The following VIRMA variants were observed in gnomAD, a reference collection of about 807,000 sequenced individuals.
VIRMA encodes protein virilizer homolog.
A neutral mutation model predicts 182.4 loss-of-function variants in VIRMA; 65 were observed. That is an observed-to-expected ratio of 0.36 (90% CI 0.29 to 0.44). The LOEUF is 0.44. Ranked by LOEUF, VIRMA falls within the 20% of genes least tolerant of loss-of-function variation. The pLI, the probability that VIRMA is intolerant of heterozygous loss-of-function variation, is 1.00. For missense variants in VIRMA, 1,752 were observed against 2,158.1 expected (o/e 0.81, Z 3.73); for synonymous variants, 709 against 743.1 (o/e 0.95, Z 0.75).
intron 9 of VIRMA, among the ~76,000 whole-genome samples, chr8:94,518,654 A>C (rs189624039): frequency 5.1e-4 from 78 of 152,354 alleles, no homozygotes; most frequent in African/African-American, 1.9e-3. Context: ...AAGAAAGTGT[A>C]AGAGGAATAA....
intron 1 of VIRMA, among the ~76,000 whole-genome samples, chr8:94,544,657 T>C (rs1187431774): frequency 9.7e-6 from 1 of 103,524 alleles, no homozygotes; most frequent in Non-Finnish European, 1.9e-5. Context: ...CGAGCGACTC[T>C]GTCTCAAAAA....
intron 10 of VIRMA, among the ~76,000 whole-genome samples, chr8:94,517,020 A>G (rs1396963074): frequency 1.3e-5 from 2 of 152,214 alleles, no homozygotes; most frequent in African/African-American, 4.8e-5. Context: ...AAGGTTTCCC[A>G]TAAATGTCAT....
intron 1 of VIRMA, among the ~76,000 whole-genome samples, chr8:94,552,758 C>T (rs1302330630): frequency 6.6e-6 from 1 of 152,148 alleles, no homozygotes; most frequent in Admixed American, 6.6e-5. Context: ...AAGGAGATGT[C>T]TGCTGATGAG....
Position 94,513,326 on chromosome 8 carries a change from G to T in VIRMA, c.2752-1237C>A, listed in dbSNP as rs545864077. On this transcript the variant is annotated intron_variant, in intron 11 of 23. Coordinates refer to ENST00000297591, the MANE Select transcript of VIRMA (RefSeq NM_015496.5). ...CACTCCAGCCTGGGCGACAGAGCAA[G>T]ACTCCATCTCAAAACAAAACAAAAC... 4.5e-4 allele frequency among the ~76,000 whole-genome samples: 68 copies of T among 149,540 alleles called. 2 individuals carry two copies. The South Asian group carries it at 8.2e-3, about 18-fold the overall frequency.
chr8:94,517,996 C>T (rs1814620955), intron 9 of VIRMA, 54 bp from the exon 10 acceptor site: 3 of 1,445,980 alleles, frequency 2.1e-6, no homozygotes, highest in Non-Finnish European at 1.9e-6. Context: ...TTTTTAGGAA[C>T]AATTTTTAAA....
intron 8 of VIRMA, among the ~76,000 whole-genome samples, chr8:94,521,059 T>G (rs1001951055): frequency 4.6e-5 from 7 of 152,230 alleles, no homozygotes; most frequent in Middle Eastern, 3.4e-3. Context: ...TTTTTTAAAT[T>G]TTTTAGTTCT....
intron 17 of VIRMA, 114 bp from the exon 18 acceptor site, chr8:94,496,594 T>A: frequency 1.2e-6 from 1 of 818,666 alleles, no homozygotes. Flanking sequence ...AATGTTTTCA[T>A]TTTTACATCA....
rs138069372 is a variant in VIRMA, at chr8:94,541,964, C to T, written c.179+1863G>A. Among the ~76,000 whole-genome samples, 350 of 152,308 alleles carry T rather than the reference C, an allele frequency of 2.3e-3. 1 individual carries two copies. The highest frequency in any genetic ancestry group is 7.7e-3 in the African/African-American group (320 of 41,566). On this transcript the variant is annotated intron_variant, in intron 2 of 23. Coordinates refer to ENST00000297591, the MANE Select transcript of VIRMA (RefSeq NM_015496.5). Reference sequence around the variant, plus strand: ...AGTTATTACAACATGAAAAGCCACACATCTCCAGCTAAGAAAAAGGAAGAG... The same window carrying T: ...AGTTATTACAACATGAAAAGCCACATATCTCCAGCTAAGAAAAAGGAAGAG...
intron 16 of VIRMA, among the ~76,000 whole-genome samples, chr8:94,505,863 C>T (rs565511421): frequency 3.9e-5 from 6 of 152,092 alleles, no homozygotes; most frequent in Admixed American, 1.3e-4. Context: ...GCTCTCCATA[C>T]CCATGGATTC....
At chr8:94,494,985 G>T in intron 19 of VIRMA, 29 bp from the exon 20 acceptor site, 1 of 1,432,912 alleles carries the variant, frequency 7.0e-7, no homozygotes, top group Non-Finnish European at 9.8e-7. Context: ...CTGGTGAAAA[G>T]CAGAATTCTA....
chr8:94,529,416 C>A, intron 6 of VIRMA, 74 bp from the exon 7 acceptor site: 1 of 761,190 alleles, frequency 1.3e-6, no homozygotes, highest in East Asian at 2.5e-5. Flanking sequence ...CTGGATATGG[C>A]AACTACTTAA....
chr8:94,548,526 C>T (rs1222782334), intron 1 of VIRMA, among the ~76,000 whole-genome samples: 1 of 151,168 alleles, frequency 6.6e-6, no homozygotes, highest in African/African-American at 2.5e-5. Flanking sequence ...TATACAAATA[C>T]AATAGCTTTC....
In VIRMA at chr8:94,511,600, T is replaced by C; in HGVS notation, c.2975A>G (p.Asn992Ser). ...ILTQPWRLHVNMGTTLHRVTT... is the reference protein window; with the variant it reads ...ILTQPWRLHVSMGTTLHRVTT... ...AACTCTGTGAAGGGTAGTCCCCATGTTGACATGGAGCCTCCAAGGCTGAGT... is the reference window on the plus strand; with the variant it reads ...AACTCTGTGAAGGGTAGTCCCCATGCTGACATGGAGCCTCCAAGGCTGAGT... Residue 992 changes from asparagine (N) to serine (S), a missense_variant, in exon 13 of 24, where the codon AAC becomes AGC. Physicochemically the swap from Asn to Ser is conservative, Grantham distance 46. Transcript: ENST00000297591. 1 of 1,614,184 alleles carries C rather than the reference T, an allele frequency of 6.2e-7. No individual in the cohort carries two copies. The highest frequency in any genetic ancestry group is 8.5e-7 in the Non-Finnish European group (1 of 1,180,016).
intron 20 of VIRMA, among the ~76,000 whole-genome samples, 185 bp from the exon 21 acceptor site, chr8:94,493,003 C>T (rs1813655131): frequency 6.6e-6 from 1 of 152,190 alleles, no homozygotes; most frequent in Admixed American, 6.5e-5. Context: ...CACACACACA[C>T]ACCTTAGTAA....
chr8:94,524,206 T>G (rs965158581), intron 8 of VIRMA, among the ~76,000 whole-genome samples: 6 of 151,896 alleles, frequency 4.0e-5, no homozygotes, highest in Admixed American at 3.3e-4. Context: ...TCCATGCTGG[T>G]CAGGCTGGTC....
intron 11 of VIRMA, among the ~76,000 whole-genome samples, chr8:94,514,531 T>C (rs1814490741): frequency 6.6e-6 from 1 of 152,192 alleles, no homozygotes; most frequent in Non-Finnish European, 1.5e-5. Context: ...AAAGTTTAGC[T>C]AAACAGTTAT....
intron 1 of VIRMA, 61 bp downstream of exon 1, chr8:94,553,323 CG>C: frequency 6.5e-7 from 1 of 1,528,640 alleles, no homozygotes; most frequent in Non-Finnish European, 9.1e-7. Flanking sequence ...GAACGCCTAA[CG>C]GTTTTTTTGT....
At chr8:94,549,257 T>C (rs1343129232) in intron 1 of VIRMA, among the ~76,000 whole-genome samples, 2 of 152,220 alleles carry the variant, frequency 1.3e-5, no homozygotes, top group Non-Finnish European at 2.9e-5. Flanking sequence ...AAAGAGCTGT[T>C]AATGGCAGCT....
chr8:94,521,255 T>A (rs894555835), intron 8 of VIRMA, among the ~76,000 whole-genome samples: 2 of 152,112 alleles, frequency 1.3e-5, no homozygotes, highest in East Asian at 3.9e-4. Context: ...CCTCTCTGTG[T>A]CCATGTGTTC....
Sources: allele counts gnomAD v4.1 joint callset (sites outside exome capture counted in the v4.1 genomes callset), GRCh38; gene constraint gnomAD v4.1.1; transcripts MANE v1.5; gene names NCBI Gene and HGNC (gene_info 2026-07-23, HGNC 2026-07-21).